Variants in RGS17 observed in about 807,000 individuals in gnomAD.
RGS17 encodes the protein regulator of G protein signaling 17, also known as regulator of G-protein signaling 17.
In RGS17, 12 loss-of-function variants were observed where a neutral mutation model predicts 25.5. That is an observed-to-expected ratio of 0.47 (90% confidence interval 0.30 to 0.76). The LOEUF is 0.76. Among genes scored for constraint, RGS17 ranks in the 30% least tolerant of loss-of-function variants. RGS17 has a pLI of 0.07. For missense variants in RGS17, 196 were observed against 242.2 expected (o/e 0.81, Z 1.27); for synonymous variants, 71 against 76.9 (o/e 0.92, Z 0.40).
intron 1 of RGS17, among the ~76,000 whole-genome samples, chr6:153,109,007 T>C (rs1205122262): frequency 6.6e-6 from 1 of 152,124 alleles, no homozygotes; most frequent in African/African-American, 2.4e-5. Flanking sequence ...TAGTGGGTGC[T>C]CAGTAAGTAA....
In RGS17 at chr6:153,011,725, C is replaced by G. The variant is rs140067731; in HGVS notation, c.482G>C (p.Arg161Thr). 151 of 1,612,394 alleles carry G rather than the reference C, an allele frequency of 9.4e-5. No individual in the cohort carries two copies. The highest frequency in any genetic ancestry group is 1.2e-4 in the Non-Finnish European group (146 of 1,179,338). Reference sequence around the variant, plus strand: ...GTGAGGATTGGGATCCAACAGATTTCTATTGATCACCTCTCTAACTCGAGA... The same window carrying G: ...GTGAGGATTGGGATCCAACAGATTTGTATTGATCACCTCTCTAACTCGAGA... ...LDSRVREVIN[R>T]NLLDPNPHMY... The change falls in exon 5 of 5, where the codon AGA becomes ACA. Residue 161 changes from arginine to threonine, a missense_variant. Arg to Thr is a moderately conservative substitution (Grantham distance 71). This residue lies in a region of RGS17 where 179 missense variants were observed against 197.6 expected (regional missense o/e 0.91). Coordinates refer to ENST00000206262, the MANE Select transcript of RGS17 (RefSeq NM_012419.5).
At chr6:153,121,200 T>C (rs1221908856) in intron 1 of RGS17, among the ~76,000 whole-genome samples, 1 of 152,200 alleles carries the variant, frequency 6.6e-6, no homozygotes, top group African/African-American at 2.4e-5. Flanking sequence ...CTTGGAAATC[T>C]AATGCAAACA....
intron 1 of RGS17, among the ~76,000 whole-genome samples, chr6:153,046,891 A>T (rs910425732): frequency 1.3e-5 from 2 of 152,232 alleles, no homozygotes; most frequent in Admixed American, 1.3e-4. Flanking sequence ...ATAAAGGAGT[A>T]TACCACATGC....
intron 1 of RGS17, among the ~76,000 whole-genome samples, chr6:153,059,063 A>T (rs1251565884): frequency 6.6e-6 from 1 of 152,062 alleles, no homozygotes; most frequent in Non-Finnish European, 1.5e-5. Context: ...TACCCATGTA[A>T]TTTCTTTTCC....
chr6:153,054,996 T>C (rs1181599335), intron 1 of RGS17, among the ~76,000 whole-genome samples: 2 of 152,206 alleles, frequency 1.3e-5, no homozygotes, highest in Non-Finnish European at 2.9e-5. Flanking sequence ...CAATGAGGTA[T>C]AATATTTTGC....
Position 153,011,333 on chromosome 6 carries a change from A to G in RGS17, c.*241T>C. ...AGGACTACAAATACACTTTGCTTGC[A>G]AGTAGAATGAGTCTTGAATAAAACA... On this transcript the variant is annotated 3_prime_UTR_variant, in exon 5 of 5. Transcript: ENST00000206262. 6.4e-6 allele frequency: 3 copies of G among 470,598 alleles called. No individual in the cohort carries two copies. The East Asian group carries it at 1.2e-4, about 18-fold the overall frequency. The allele number at this position is 470,598 out of a possible 1,614,324, so 29.2% of individuals were successfully genotyped here. A position where few individuals can be genotyped will look rare whatever the true frequency, so the allele number is the denominator to read the frequency against.
chr6:153,032,592 CTATT>C (rs1475155588), intron 2 of RGS17, among the ~76,000 whole-genome samples: 1 of 147,586 alleles, frequency 6.8e-6, no homozygotes, highest in Non-Finnish European at 1.5e-5. Flanking sequence ...AAAAAAAAGT[CTATT>C]CATTCTCTTA....
At chr6:153,039,810 T>C (rs1185649920) in intron 2 of RGS17, among the ~76,000 whole-genome samples, 1 of 152,208 alleles carries the variant, frequency 6.6e-6, no homozygotes, top group African/African-American at 2.4e-5. Context: ...CACTTTTATA[T>C]GTGTTATCTC....
rs1256258280 is a variant in RGS17 at position 153,020,152 on chromosome 6, T to TC, written c.444+4109_444+4110insG. The stretch of plus-strand genomic sequence containing the variant: ...TATATATATATATTTTTTTTTTTTT[T>TC]TTTTTTTTTTTTTTTTTTTGAGACA... On this transcript the variant is annotated intron_variant, in intron 4 of 4. Coordinates refer to ENST00000206262, the MANE Select transcript of RGS17 (RefSeq NM_012419.5). Among the ~76,000 whole-genome samples the TC allele has an allele frequency of 2.0e-3, 130 of 64,636 alleles. 3 individuals are homozygous for TC. Among genetic ancestry groups the TC allele is most frequent in the African/African-American group, 8.5e-3 (125 of 14,686 alleles). The allele number at this position is 64,636 out of a possible 152,430, so 42.4% of individuals were successfully genotyped here.
chr6:153,057,599 G>C (rs1217679422), intron 1 of RGS17, among the ~76,000 whole-genome samples: 3 of 152,134 alleles, frequency 2.0e-5, no homozygotes, highest in Non-Finnish European at 4.4e-5. Context: ...CCACGGATGG[G>C]TGTGGGGGAT....
chr6:153,105,014 G>A (rs183496721), intron 1 of RGS17, among the ~76,000 whole-genome samples: 3 of 152,292 alleles, frequency 2.0e-5, no homozygotes, highest in Non-Finnish European at 2.9e-5. Context: ...TGGATGGCCA[G>A]AGCAGAATCA....
intron 1 of RGS17, among the ~76,000 whole-genome samples, chr6:153,047,726 T>C (rs899384792): frequency 1.6e-4 from 24 of 152,132 alleles, no homozygotes; most frequent in Non-Finnish European, 3.1e-4. Flanking sequence ...AGACACCAAA[T>C]AGGCCACCAT....
intron 1 of RGS17, among the ~76,000 whole-genome samples, chr6:153,087,760 A>C (rs1166479999): frequency 2.6e-5 from 4 of 152,180 alleles, no homozygotes; most frequent in Non-Finnish European, 2.9e-5. Flanking sequence ...AATGAGCTCT[A>C]ATTAAGAAAC....
chr6:153,016,711 C>G (rs1779188611), intron 4 of RGS17, among the ~76,000 whole-genome samples: 1 of 152,112 alleles, frequency 6.6e-6, no homozygotes, highest in Admixed American at 6.5e-5. Flanking sequence ...ACCTTAATAT[C>G]AGGTTGTTTG....
At chr6:153,126,015 C>A (rs1777698746) in intron 1 of RGS17, among the ~76,000 whole-genome samples, 1 of 152,132 alleles carries the variant, frequency 6.6e-6, no homozygotes, top group African/African-American at 2.4e-5. Flanking sequence ...TGAAACATTG[C>A]AGATACAGAG....
intron 2 of RGS17, among the ~76,000 whole-genome samples, chr6:153,032,626 T>A (rs1248021231): frequency 1.3e-5 from 2 of 152,134 alleles, no homozygotes; most frequent in South Asian, 2.1e-4. Flanking sequence ...GATAATTATA[T>A]CTTTCTAAGG....
At chr6:153,105,399 C>T (rs939520189) in intron 1 of RGS17, among the ~76,000 whole-genome samples, 1 of 151,964 alleles carries the variant, frequency 6.6e-6, no homozygotes, top group Admixed American at 6.6e-5. Flanking sequence ...AAGCGCCTAC[C>T]GCATCCTGCT....
At chr6:153,083,842 G>T (rs908267787) in intron 1 of RGS17, among the ~76,000 whole-genome samples, 9 of 152,106 alleles carry the variant, frequency 5.9e-5, no homozygotes, top group African/African-American at 2.2e-4. Context: ...TGTCAGTTTT[G>T]CCACATGAAA....
At chr6:153,095,915 A>G (rs1230033057) in intron 1 of RGS17, among the ~76,000 whole-genome samples, 2 of 152,226 alleles carry the variant, frequency 1.3e-5, no homozygotes, top group Non-Finnish European at 2.9e-5. Flanking sequence ...TACACAACCA[A>G]TTAACATGGT....
Sources: allele counts gnomAD v4.1 joint callset (sites outside exome capture counted in the v4.1 genomes callset), GRCh38; gene constraint gnomAD v4.1.1; regional missense constraint gnomAD v4.1.1; transcripts MANE v1.5; gene names NCBI Gene and HGNC (gene_info 2026-07-23, HGNC 2026-07-21).